Variants in MREG observed in about 807,000 individuals in gnomAD.
The protein encoded by MREG is melanoregulin.
Under a neutral mutation model 28.5 loss-of-function variants are expected in MREG, and 31 were observed. The observed-to-expected ratio is 1.09, with a 90% CI of 0.82 to 1.47. MREG has a LOEUF of 1.47. Among genes scored for constraint, MREG ranks in the 40% most tolerant of loss-of-function variants. The probability of loss-of-function intolerance (pLI) is 0.00; values close to 1 mark genes in which losing one functional copy is unlikely to be tolerated. For missense variants in MREG, 256 were observed against 257.4 expected (o/e 0.99, Z 0.04); for synonymous variants, 106 against 95.2 (o/e 1.11, Z -0.66).
In MREG at chr2:215,963,972, G is replaced by C. The variant is rs1692868648; in HGVS notation, c.256-16859C>G. Among the ~76,000 whole-genome samples, 4 of 152,208 alleles carry C rather than the reference G, an allele frequency of 2.6e-5. No homozygotes were observed. In the South Asian group the frequency reaches 8.3e-4, roughly 32 times the overall value. ...GGGAAGGAAATAATAGTGCCTTTCA[G>C]TTTACAAAAATGTTTTCACACCCAT... On this transcript the variant is annotated intron_variant, in intron 2 of 4. Transcript: ENST00000263268.
At chr2:216,010,354 CTTT>C (rs1164326774) in intron 1 of MREG, among the ~76,000 whole-genome samples, 21 of 94,378 alleles carry the variant, frequency 2.2e-4, no homozygotes, top group Middle Eastern at 8.3e-3. Context: ...AAAGATTTCT[CTTT>C]TTTTTTTTTT....
intron 2 of MREG, among the ~76,000 whole-genome samples, chr2:215,988,745 T>G (rs531997855): frequency 7.9e-5 from 12 of 152,230 alleles, no homozygotes; most frequent in African/African-American, 2.9e-4. Flanking sequence ...GGGCAGGCAG[T>G]TTTTCCCCTC....
At chr2:215,990,053 A>C (rs562398106) in intron 2 of MREG, among the ~76,000 whole-genome samples, 8 of 152,264 alleles carry the variant, frequency 5.3e-5, no homozygotes, top group Admixed American at 3.3e-4. Flanking sequence ...GAACACCACA[A>C]AGCTACTCCT....
intron 2 of MREG, among the ~76,000 whole-genome samples, chr2:215,958,859 A>G (rs2105977469): frequency 6.6e-6 from 1 of 152,286 alleles, no homozygotes; most frequent in East Asian, 1.9e-4. Context: ...TTTCTATGGG[A>G]AAGGGAAAAG....
chr2:216,008,946 C>G (rs1694228930), intron 1 of MREG, among the ~76,000 whole-genome samples: 1 of 152,188 alleles, frequency 6.6e-6, no homozygotes, highest in Non-Finnish European at 1.5e-5. Flanking sequence ...CAAACTAAAC[C>G]ATTTCTGCTA....
chr2:215,957,440 C>A (rs1364664406), intron 2 of MREG, among the ~76,000 whole-genome samples: 2 of 152,126 alleles, frequency 1.3e-5, no homozygotes, highest in East Asian at 3.9e-4. Flanking sequence ...CTCCCCCACA[C>A]TCTCCTCTCC....
At chr2:215,986,678 A>C (rs1693580603) in intron 2 of MREG, among the ~76,000 whole-genome samples, 1 of 152,168 alleles carries the variant, frequency 6.6e-6, no homozygotes, top group African/African-American at 2.4e-5. Context: ...GAAGTCTCAC[A>C]AGATCTGATG....
intron 2 of MREG, among the ~76,000 whole-genome samples, chr2:215,949,622 G>C (rs970736821): frequency 4.0e-5 from 6 of 151,352 alleles, no homozygotes; most frequent in Admixed American, 1.3e-4. Flanking sequence ...TGGAGGCCAT[G>C]ATACATTACA....
intron 1 of MREG, among the ~76,000 whole-genome samples, chr2:216,023,696 C>T (rs1427921486): frequency 6.6e-6 from 1 of 152,128 alleles, no homozygotes; most frequent in Non-Finnish European, 1.5e-5. Context: ...GTGTTAGAGT[C>T]TCACTCTGTT....
chr2:216,022,683 C>A lies in MREG; in HGVS notation c.-68+10106G>T, dbSNP rs921529606. 1.3e-4 allele frequency among the ~76,000 whole-genome samples: 20 copies of A among 152,138 alleles called. 1 individual carries two copies. Among genetic ancestry groups the A allele is most frequent in the Middle Eastern group, 6.3e-3 (2 of 316 alleles). On this transcript the variant is annotated intron_variant, in intron 1 of 3. Coordinates refer to the MREG transcript ENST00000420348. ...TCTTCCTACCTCCGGAAGACAAGCC[C>A]CCTACTATTCCAAGTTTTCTGTGTT...
At chr2:215,964,049 G>T (rs1692870615) in intron 2 of MREG, among the ~76,000 whole-genome samples, 1 of 152,058 alleles carries the variant, frequency 6.6e-6, no homozygotes, top group African/African-American at 2.4e-5. Flanking sequence ...ACTTTTAAAA[G>T]ACTTCCAAGA....
chr2:215,940,244 G>T (rs191279328), downstream of MREG, among the ~76,000 whole-genome samples: 752 of 152,294 alleles, frequency 4.9e-3, 4 homozygotes, highest in Middle Eastern at 0.017. Flanking sequence ...AATAACACTT[G>T]CTGAAACATT....
intron 1 of MREG, among the ~76,000 whole-genome samples, chr2:216,027,256 A>G (rs532581917): frequency 6.6e-6 from 1 of 152,354 alleles, no homozygotes; most frequent in East Asian, 1.9e-4. Flanking sequence ...GTGTGAATAT[A>G]CTTGTTGGAA....
chr2:215,972,952 G>A (rs1327793324), intron 2 of MREG, among the ~76,000 whole-genome samples: 4 of 152,120 alleles, frequency 2.6e-5, no homozygotes, highest in Non-Finnish European at 5.9e-5. Context: ...ATTCCCAGGT[G>A]AGCTAAGCCT....
At chr2:215,987,701 T>C (rs1693610330) in intron 2 of MREG, among the ~76,000 whole-genome samples, 1 of 151,786 alleles carries the variant, frequency 6.6e-6, no homozygotes, top group South Asian at 2.1e-4. Context: ...ACCAACATGG[T>C]GAAACCCCGT....
At chr2:216,006,689 A>C (rs1234140063) in intron 1 of MREG, among the ~76,000 whole-genome samples, 1 of 152,238 alleles carries the variant, frequency 6.6e-6, no homozygotes, top group African/African-American at 2.4e-5. Context: ...GTACTCGTCA[A>C]CTTTCTAAAA....
At chr2:215,995,511 C>CCCCCCT (rs146414052) in intron 2 of MREG, among the ~76,000 whole-genome samples, 5 of 136,120 alleles carry the variant, frequency 3.7e-5, no homozygotes, top group Non-Finnish European at 6.1e-5. Flanking sequence ...CCCACCCCAC[C>CCCCCCT]CCCCGCCACC....
At chr2:215,972,507 G>C (rs1693128621) in intron 2 of MREG, among the ~76,000 whole-genome samples, 1 of 151,870 alleles carries the variant, frequency 6.6e-6, no homozygotes, top group South Asian at 2.1e-4. Flanking sequence ...GCCAGGCCTG[G>C]TGGTGCTTGC....
rs546718783 is a variant in MREG, at chr2:215,987,480, CG to C, written c.255+8825del. 5.3e-3 allele frequency among the ~76,000 whole-genome samples: 802 copies of C among 152,080 alleles called. 6 individuals carry two copies. Among genetic ancestry groups the C allele is most frequent in the African/African-American group, 0.018 (740 of 41,480 alleles). On this transcript the variant is annotated intron_variant, in intron 2 of 4. Coordinates refer to ENST00000263268, the MANE Select transcript of MREG (RefSeq NM_018000.3). ...CAGGCTAGTCTCAAACTCTGGATCT[CG>C]TGAGCCACCCACCTCAGCCTCCCAA...
Sources: allele counts gnomAD v4.1 joint callset (sites outside exome capture counted in the v4.1 genomes callset), GRCh38; gene constraint gnomAD v4.1.1; transcripts MANE v1.5; gene names NCBI Gene and HGNC (gene_info 2026-07-23, HGNC 2026-07-21).